The following PCCA variants were observed in gnomAD, a reference collection of about 807,000 sequenced individuals.
PCCA encodes the protein propionyl-CoA carboxylase alpha chain, mitochondrial.
In PCCA, 74 loss-of-function variants were observed where a neutral mutation model predicts 101.3. That is an observed-to-expected ratio of 0.73 (90% CI 0.61 to 0.89). PCCA has a LOEUF of 0.89. Among genes scored for constraint, PCCA ranks in the 40% least tolerant of loss-of-function variants. The pLI is 0.00. For synonymous variants in PCCA, 294 were observed against 313.6 expected (o/e 0.94, Z 0.66); for missense variants, 891 against 907.0 (o/e 0.98, Z 0.23).
chr13:100,445,913 T>G (rs1297902538), intron 20 of PCCA, among the ~76,000 whole-genome samples: 1 of 152,226 alleles, frequency 6.6e-6, no homozygotes, highest in East Asian at 1.9e-4. Flanking sequence ...CTGATTTCTT[T>G]CCTTTGGATA....
intron 19 of PCCA, among the ~76,000 whole-genome samples, chr13:100,404,045 A>G (rs2077526011): frequency 6.6e-6 from 1 of 152,234 alleles, no homozygotes; most frequent in Admixed American, 6.5e-5. Context: ...AACAGCAGTC[A>G]GAGATCCCTC....
At chr13:100,357,447 G>A (rs2074066893) in intron 18 of PCCA, among the ~76,000 whole-genome samples, 1 of 152,164 alleles carries the variant, frequency 6.6e-6, no homozygotes, top group Non-Finnish European at 1.5e-5. Flanking sequence ...GCTACCACCT[G>A]GAAGGTGGAA....
chr13:100,093,481 T>G (rs2046459127), intron 1 of PCCA, among the ~76,000 whole-genome samples: 1 of 152,198 alleles, frequency 6.6e-6, no homozygotes, highest in Non-Finnish European at 1.5e-5. Flanking sequence ...TTCATTTGTC[T>G]AGAGATCTAG....
At chr13:100,326,455 A>T (rs1317882354) in intron 16 of PCCA, among the ~76,000 whole-genome samples, 2 of 152,246 alleles carry the variant, frequency 1.3e-5, no homozygotes, top group Non-Finnish European at 2.9e-5. Flanking sequence ...ATTTTACGAC[A>T]TGGACCCTTC....
intron 20 of PCCA, among the ~76,000 whole-genome samples, chr13:100,433,545 A>G (rs2079709577): frequency 1.3e-5 from 2 of 151,702 alleles, no homozygotes; most frequent in South Asian, 2.1e-4. Flanking sequence ...TTTCCTTCCC[A>G]TATATAAAAC....
intron 22 of PCCA, chr13:100,527,419 C>A: frequency 1.8e-6 from 1 of 548,010 alleles, no homozygotes; most frequent in South Asian, 1.6e-5. Context: ...CCAGGGTAGG[C>A]CCCGCCGCCA....
chr13:100,171,474 GC>G (rs1443434534), intron 6 of PCCA, among the ~76,000 whole-genome samples: 3 of 152,226 alleles, frequency 2.0e-5, no homozygotes, highest in African/African-American at 7.2e-5. Context: ...TGACTACTAT[GC>G]CCCACTCCAC....
At chr13:100,390,222 A>C (rs55827501) in intron 19 of PCCA, among the ~76,000 whole-genome samples, 2,783 of 152,318 alleles carry the variant, frequency 0.018, 95 homozygotes, top group African/African-American at 0.064. Context: ...AACATGTACA[A>C]TCTACTTTCA....
chr13:100,160,417 C>T (rs1185458805), intron 6 of PCCA, among the ~76,000 whole-genome samples: 7 of 151,494 alleles, frequency 4.6e-5, no homozygotes, highest in Middle Eastern at 3.4e-3. Context: ...GCAGGAGAAT[C>T]GTTTGAGCCC....
At chr13:100,230,166 G>C (rs1472643860) in intron 7 of PCCA, among the ~76,000 whole-genome samples, 2 of 152,160 alleles carry the variant, frequency 1.3e-5, no homozygotes, top group Non-Finnish European at 2.9e-5. Flanking sequence ...GTGTGAAAAG[G>C]GCTGCATAAT....
chr13:100,421,915 C>T (rs1270440019), intron 19 of PCCA, among the ~76,000 whole-genome samples: 1 of 152,028 alleles, frequency 6.6e-6, no homozygotes, highest in Non-Finnish European at 1.5e-5. Flanking sequence ...AATCTCCTGA[C>T]CTTAGGTGAT....
intron 8 of PCCA, among the ~76,000 whole-genome samples, chr13:100,256,226 T>C (rs749426055): frequency 1.3e-5 from 2 of 152,024 alleles, no homozygotes; most frequent in Non-Finnish European, 2.9e-5. Flanking sequence ...AGGATGGTCT[T>C]AATCTCCTGA....
intron 4 of PCCA, among the ~76,000 whole-genome samples, chr13:100,129,231 T>A (rs905291362): frequency 1.3e-5 from 2 of 152,242 alleles, no homozygotes; most frequent in African/African-American, 2.4e-5. Flanking sequence ...TTCACTTCGT[T>A]ATTGCTTCTT....
intron 19 of PCCA, among the ~76,000 whole-genome samples, chr13:100,379,943 A>G (rs2076135511): frequency 1.3e-5 from 2 of 152,174 alleles, no homozygotes; most frequent in Admixed American, 6.5e-5. Flanking sequence ...CCGAAGTCCA[A>G]GCTGTATTTT....
chr13:100,250,738 T>A (rs2061698030), intron 8 of PCCA, among the ~76,000 whole-genome samples: 1 of 152,186 alleles, frequency 6.6e-6, no homozygotes, highest in Non-Finnish European at 1.5e-5. Flanking sequence ...TTTTGTTACC[T>A]TTATTTAAAA....
At chr13:100,355,800 A>C (rs968726002) in intron 18 of PCCA, among the ~76,000 whole-genome samples, 1 of 152,172 alleles carries the variant, frequency 6.6e-6, no homozygotes. Context: ...TCCAAAATTC[A>C]TATGAAAATG....
chr13:100,313,107 G>A (rs1325095614), intron 16 of PCCA, among the ~76,000 whole-genome samples: 1 of 151,236 alleles, frequency 6.6e-6, no homozygotes, highest in Non-Finnish European at 1.5e-5. Context: ...CCCTTTCTTT[G>A]CCTTTTCCTC....
At chr13:100,325,566 C>G (rs1252690196) in intron 16 of PCCA, among the ~76,000 whole-genome samples, 1 of 152,102 alleles carries the variant, frequency 6.6e-6, no homozygotes, top group Non-Finnish European at 1.5e-5. Context: ...AGGAACATTT[C>G]TTAGTAGGGA....
At chr13:100,426,292 A>G in intron 20 of PCCA, among the ~76,000 whole-genome samples, 1 of 152,156 alleles carries the variant, frequency 6.6e-6, no homozygotes, top group East Asian at 1.9e-4. Context: ...TTTAAAGTAG[A>G]AAGTTATGAA....
Sources: allele counts gnomAD v4.1 joint callset (sites outside exome capture counted in the v4.1 genomes callset), GRCh38; gene constraint gnomAD v4.1.1; transcripts MANE v1.5; gene names NCBI Gene and HGNC (gene_info 2026-07-23, HGNC 2026-07-21).